DLG2: variants seen among roughly 807,000 people sequenced by gnomAD.
DLG2 encodes discs large MAGUK scaffold protein 2.
DLG2 carries 45 observed loss-of-function variants against 132.5 expected under a neutral mutation model. The ratio of observed to expected loss-of-function variants is 0.34; its 90% CI spans 0.27 to 0.44. The LOEUF (loss-of-function observed/expected upper bound fraction) is 0.44, where lower values mean the gene tolerates loss of function less well. DLG2 is among the 20% of genes least tolerant of loss of function. DLG2 has a pLI of 1.00. For synonymous variants in DLG2, 424 were observed against 419.6 expected, an observed-to-expected ratio of 1.01 and a Z score of -0.13; for missense variants, 1,045 against 1,196.9, an observed-to-expected ratio of 0.87 and a Z score of 1.87.
chr11:84,369,944 C>T (rs920388061), intron 7 of DLG2, among the ~76,000 whole-genome samples: 2 of 152,156 alleles, frequency 1.3e-5, no homozygotes, highest in South Asian at 4.1e-4. Flanking sequence ...GAAGCTATTT[C>T]ACTTGTTCTA....
chr11:85,307,619 A>T (rs2080040499), intron 3 of DLG2, among the ~76,000 whole-genome samples: 1 of 152,188 alleles, frequency 6.6e-6, no homozygotes, highest in Non-Finnish European at 1.5e-5. Flanking sequence ...GAATCACCCC[A>T]TAGTATAAAA....
At chr11:85,111,778 G>T in intron 5 of DLG2, 43 bp from the exon 6 acceptor site, 1 of 1,420,730 alleles carries the variant, frequency 7.0e-7, no homozygotes, top group Admixed American at 2.0e-5. Flanking sequence ...TTTATTATGG[G>T]CCAGTATGTA....
At chr11:83,886,584 T>A (rs1322689960) in intron 15 of DLG2, among the ~76,000 whole-genome samples, 1 of 152,026 alleles carries the variant, frequency 6.6e-6, no homozygotes. Context: ...AACTCAGCTC[T>A]GCACCAAGCA....
At chr11:84,480,815 G>A (rs11826965) in intron 7 of DLG2, among the ~76,000 whole-genome samples, 14,480 of 147,168 alleles carry the variant, frequency 0.098, 2,032 homozygotes, top group African/African-American at 0.31. Flanking sequence ...GAGTGCAATC[G>A]CATGATCTCA....
chr11:84,694,227 G>C (rs1308452068), intron 6 of DLG2, among the ~76,000 whole-genome samples: 4 of 151,496 alleles, frequency 2.6e-5, no homozygotes. Context: ...TTCTCATCAA[G>C]AAAATTATTC....
Position 83,649,170 on chromosome 11 carries a change from T to C in DLG2, c.1826-15845A>G, listed in dbSNP as rs116063032. Among the ~76,000 whole-genome samples, 749 of 152,236 alleles carry C rather than the reference T, an allele frequency of 4.9e-3. 7 individuals are homozygous for C. The highest frequency in any genetic ancestry group is 0.017 in the Middle Eastern group (5 of 294). ...TGGCCTCTAAGTATAGGAACCACTG[T>C]ACAAATTTTAAAATATACTCAGGAT... On this transcript the variant is annotated intron_variant, in intron 18 of 27. Coordinates refer to ENST00000376104, the MANE Select transcript of DLG2 (RefSeq NM_001142699.3).
At chr11:84,026,730 T>A (rs1290350205) in intron 11 of DLG2, among the ~76,000 whole-genome samples, 2 of 152,024 alleles carry the variant, frequency 1.3e-5, no homozygotes, top group African/African-American at 4.8e-5. Context: ...GTGGAAGAAA[T>A]TTAACCAAAA....
At chr11:84,291,430 T>G (rs1285603383) in intron 7 of DLG2, among the ~76,000 whole-genome samples, 2 of 152,284 alleles carry the variant, frequency 1.3e-5, no homozygotes, top group East Asian at 1.9e-4. Flanking sequence ...CATTATGTAT[T>G]ATAAACAATA....
At chr11:83,513,985 T>G (rs1158451040) in intron 21 of DLG2, among the ~76,000 whole-genome samples, 1 of 152,210 alleles carries the variant, frequency 6.6e-6, no homozygotes, top group Non-Finnish European at 1.5e-5. Context: ...TTTGTTCTTT[T>G]GGCTTAGGAT....
At chr11:85,541,795 T>C (rs2075993033) in intron 3 of DLG2, among the ~76,000 whole-genome samples, 1 of 152,194 alleles carries the variant, frequency 6.6e-6, no homozygotes, top group South Asian at 2.1e-4. Context: ...TGCCTCCCTT[T>C]CTCTTGTAAT....
At chr11:84,602,674 T>C (rs2154534573) in intron 6 of DLG2, among the ~76,000 whole-genome samples, 1 of 152,100 alleles carries the variant, frequency 6.6e-6, no homozygotes, top group South Asian at 2.1e-4. Flanking sequence ...AAGGATGCAG[T>C]GGGAGAAATA....
intron 10 of DLG2, among the ~76,000 whole-genome samples, chr11:84,091,252 G>A (rs1036554971): frequency 6.6e-6 from 1 of 152,202 alleles, no homozygotes; most frequent in Non-Finnish European, 1.5e-5. Context: ...AAACCGCCAT[G>A]TGCTCTTCTT....
At chr11:84,775,901 T>A (rs1200871589) in intron 6 of DLG2, among the ~76,000 whole-genome samples, 1 of 152,172 alleles carries the variant, frequency 6.6e-6, no homozygotes, top group Admixed American at 6.6e-5. Context: ...AAAGTTAAAA[T>A]TATTTTAAAA....
At chr11:84,811,464 G>C (rs181761012) in intron 6 of DLG2, among the ~76,000 whole-genome samples, 129 of 152,224 alleles carry the variant, frequency 8.5e-4, no homozygotes, top group African/African-American at 3.0e-3. Context: ...GCCAAGGAGG[G>C]AAAGCAGTGT....
intron 3 of DLG2, among the ~76,000 whole-genome samples, chr11:85,591,798 C>G (rs911383586): frequency 3.3e-5 from 5 of 152,190 alleles, no homozygotes; most frequent in African/African-American, 1.2e-4. Flanking sequence ...GCCTCTCATT[C>G]ATAGCCAACT....
At chr11:83,478,842 A>G (rs1490073714) in intron 22 of DLG2, among the ~76,000 whole-genome samples, 3 of 152,022 alleles carry the variant, frequency 2.0e-5, no homozygotes, top group Admixed American at 2.0e-4. Flanking sequence ...ATATTTTTCT[A>G]CGTACTAAAT....
chr11:84,524,754 A>C (rs1279570592), intron 7 of DLG2, among the ~76,000 whole-genome samples: 1 of 152,204 alleles, frequency 6.6e-6, no homozygotes, highest in Non-Finnish European at 1.5e-5. Context: ...TATTATTAAA[A>C]ACATTATGTC....
chr11:83,887,750 C>G (rs1010303276), intron 15 of DLG2, among the ~76,000 whole-genome samples: 60 of 149,226 alleles, frequency 4.0e-4, no homozygotes, highest in African/African-American at 1.4e-3. Flanking sequence ...GCTTATCCAC[C>G]ATGATCAAGT....
intron 6 of DLG2, among the ~76,000 whole-genome samples, chr11:84,956,437 G>A (rs1206651157): frequency 6.6e-6 from 1 of 152,140 alleles, no homozygotes; most frequent in Non-Finnish European, 1.5e-5. Context: ...GTTCAGATTT[G>A]AACCAGGTCA....
Sources: allele counts gnomAD v4.1 joint callset (sites outside exome capture counted in the v4.1 genomes callset), GRCh38; gene constraint gnomAD v4.1.1; transcripts MANE v1.5; gene names NCBI Gene and HGNC (gene_info 2026-07-23, HGNC 2026-07-21).